The following ZNF93 variants were observed in gnomAD, a reference collection of about 807,000 sequenced individuals.
The protein encoded by ZNF93 is zinc finger protein 505.
In ZNF93, 29 loss-of-function variants were observed where a neutral mutation model predicts 45.0. The ratio of observed to expected loss-of-function variants is 0.64; its 90% confidence interval spans 0.48 to 0.88. The LOEUF (loss-of-function observed/expected upper bound fraction) is 0.88. Among genes scored for constraint, ZNF93 ranks in the 40% least tolerant of loss-of-function variants. ZNF93 has a pLI of 0.00. For synonymous variants in ZNF93, 223 were observed against 244.6 expected (o/e 0.91, Z 0.82); for missense variants, 578 against 724.0 (o/e 0.80, Z 2.31).
chr19:19,917,496 T>C (rs1366700938), intron 3 of ZNF93, among the ~76,000 whole-genome samples: 2 of 152,226 alleles, frequency 1.3e-5, no homozygotes, highest in African/African-American at 4.8e-5. Flanking sequence ...ATAGTTTCTT[T>C]TAAGTGCATG....
At chr19:19,906,831 T>C (rs910350793) in intron 1 of ZNF93, among the ~76,000 whole-genome samples, 1 of 151,806 alleles carries the variant, frequency 6.6e-6, no homozygotes, top group African/African-American at 2.4e-5. Flanking sequence ...ATCTGATGGT[T>C]GTAGGAGGGT....
rs1341114878 is a variant in ZNF93, at chr19:19,933,420, T to C, written c.465T>C (p.His155=). 3 of 1,596,228 alleles carry C rather than the reference T, an allele frequency of 1.9e-6. No homozygotes were observed. Among genetic ancestry groups the C allele is most frequent in the African/African-American group, 1.4e-5 (1 of 73,798 alleles). Reference sequence around the variant, plus strand: ...GTGATAAATATGGGAAAGTCTTTCATAAATTTTCAAATTCAAATAGACATA... The same window carrying C: ...GTGATAAATATGGGAAAGTCTTTCACAAATTTTCAAATTCAAATAGACATA... ...FQCDKYGKVF[H]KFSNSNRHNI... is the part of the protein sequence containing the mutation. Residue 155 remains histidine (H), a synonymous_variant, in exon 4 of 4, where the codon CAT becomes CAC. Coordinates refer to ENST00000343769, the MANE Select transcript of ZNF93 (RefSeq NM_031218.4).
rs746342787 is a variant in ZNF93, at chr19:19,934,817, A to G, written c.1862A>G (p.Ter621TrpextTer19). The change falls in exon 4 of 4, where the codon TAG becomes TGG. Residue 621 changes from the stop codon to tryptophan, a stop_lost. Transcript: ENST00000343769. ...ATAATTCATACTGGGGAGAAACCCT[A>G]GAAGTGTGAAGAATGTGGCAAAGCC... ...HEIIHTGEKP[*>W] The G allele has an allele frequency of 1.3e-6, 2 of 1,590,702 alleles. No homozygotes were observed. Among genetic ancestry groups the G allele is most frequent in the East Asian group, 4.5e-5 (2 of 44,824 alleles).
chr19:19,902,499 CT>C (rs1303694059), intron 1 of ZNF93, among the ~76,000 whole-genome samples: 4 of 151,994 alleles, frequency 2.6e-5, no homozygotes, highest in Non-Finnish European at 5.9e-5. Flanking sequence ...CTCTGGTGAT[CT>C]GCCTGCCTTG....
chr19:19,923,543 C>T (rs1251247499), intron 3 of ZNF93, among the ~76,000 whole-genome samples: 2 of 152,182 alleles, frequency 1.3e-5, no homozygotes, highest in Admixed American at 1.3e-4. Flanking sequence ...GGCAGGCCTC[C>T]TTGAGCTGTG....
intron 3 of ZNF93, chr19:19,927,243 A>G (rs2063359076): frequency 2.5e-6 from 1 of 398,360 alleles, no homozygotes; most frequent in South Asian, 1.3e-4. Context: ...AAAAAAATTT[A>G]ATAATAGCCA....
intron 2 of ZNF93, among the ~76,000 whole-genome samples, chr19:19,915,790 C>T (rs2063321993): frequency 6.6e-6 from 1 of 152,010 alleles, no homozygotes. Context: ...TGCAATGAGC[C>T]GAGATCGTGC....
chr19:19,912,340 CTTAG>C (rs1424778156), intron 1 of ZNF93, among the ~76,000 whole-genome samples: 3 of 152,092 alleles, frequency 2.0e-5, no homozygotes, highest in African/African-American at 4.8e-5. Context: ...TTTTGGAGAC[CTTAG>C]TTAGGTCTGA....
chr19:19,933,096 T>C, intron 3 of ZNF93, 86 bp from the exon 4 acceptor site: 1 of 1,042,280 alleles, frequency 9.6e-7, no homozygotes. Flanking sequence ...AGTTATGTAG[T>C]TTGTATAATT....
chr19:19,905,355 C>T (rs1355529970), intron 1 of ZNF93, among the ~76,000 whole-genome samples: 3 of 152,162 alleles, frequency 2.0e-5, no homozygotes, highest in African/African-American at 7.2e-5. Flanking sequence ...TTCTGATCCT[C>T]TTACTCCTCC....
chr19:19,912,352 T>G (rs1411342615), intron 1 of ZNF93, among the ~76,000 whole-genome samples: 2 of 150,854 alleles, frequency 1.3e-5, no homozygotes, highest in African/African-American at 4.9e-5. Flanking sequence ...TAGTTAGGTC[T>G]GAACCTACCC....
chr19:19,929,862 C>T (rs7257629), intron 3 of ZNF93, among the ~76,000 whole-genome samples: 10,849 of 140,918 alleles, frequency 0.077, 974 homozygotes, highest in African/African-American at 0.23. Flanking sequence ...GGCGTGAACC[C>T]GGGAGGCGGA....
At chr19:19,926,301 A>G (rs1342500548) in intron 3 of ZNF93, 1 of 149,096 alleles carries the variant, frequency 6.7e-6, no homozygotes, top group Non-Finnish European at 1.5e-5. Context: ...CAGGTCTTGA[A>G]CTCCTGACCT....
chr19:19,924,069 C>T (rs528745060), intron 3 of ZNF93, among the ~76,000 whole-genome samples: 83 of 151,488 alleles, frequency 5.5e-4, no homozygotes, highest in African/African-American at 2.0e-3. Context: ...TGTCCCCTTC[C>T]TTCCTTCCTT....
intron 1 of ZNF93, among the ~76,000 whole-genome samples, chr19:19,906,945 G>C (rs2063294685): frequency 6.8e-6 from 1 of 147,928 alleles, no homozygotes; most frequent in African/African-American, 2.5e-5. Flanking sequence ...ATTCTTTCAG[G>C]TGCATCTAGT....
intron 1 of ZNF93, among the ~76,000 whole-genome samples, chr19:19,908,102 A>G (rs2063297884): frequency 1.3e-5 from 2 of 152,190 alleles, no homozygotes; most frequent in East Asian, 3.8e-4. Context: ...ATTATGGGTA[A>G]ACACAATTTT....
chr19:19,902,905 T>TA (rs1393107657), intron 1 of ZNF93, among the ~76,000 whole-genome samples: 2 of 151,144 alleles, frequency 1.3e-5, no homozygotes, highest in East Asian at 2.0e-4. Context: ...CCCGGCTAAT[T>TA]AAAAAAAATT....
intron 3 of ZNF93, among the ~76,000 whole-genome samples, chr19:19,918,145 C>T (rs961083403): frequency 3.0e-4 from 45 of 151,904 alleles, no homozygotes; most frequent in Non-Finnish European, 5.0e-4. Context: ...GTTCTCCTTC[C>T]TGTGTCCAAG....
At chr19:19,915,513 A>C in intron 2 of ZNF93, 107 bp downstream of exon 2, 1 of 1,421,090 alleles carries the variant, frequency 7.0e-7, no homozygotes, top group East Asian at 2.5e-5. Context: ...GGAGTTTCAG[A>C]TCCATTTTTT....
Sources: gnomAD v4.1 joint callset for allele counts (sites outside exome capture counted in the v4.1 genomes callset) on GRCh38, gnomAD v4.1.1 for gene constraint, MANE v1.5 for transcripts, NCBI Gene and HGNC (gene_info 2026-07-23, HGNC 2026-07-21) for gene names.